Variants in KCTD17 observed in about 807,000 individuals in gnomAD.
KCTD17 encodes the protein potassium channel tetramerization domain containing 17.
A neutral mutation model predicts 41.5 loss-of-function variants in KCTD17; 20 were observed. The ratio of observed to expected loss-of-function variants is 0.48; its 90% CI spans 0.34 to 0.70. The LOEUF is 0.70. Ranked by LOEUF, KCTD17 falls within the 30% of genes least tolerant of loss-of-function variation. The probability of loss-of-function intolerance (pLI) is 0.01; values close to 1 mark genes in which losing one functional copy is unlikely to be tolerated. For synonymous variants in KCTD17, 156 were observed against 173.8 expected (o/e 0.90, Z 0.80); for missense variants, 317 against 427.2 (o/e 0.74, Z 2.27).
At position 37,060,935 on chromosome 22, in the gene KCTD17, C is replaced by A; in HGVS notation, c.712+13C>A. 1 of 1,537,310 alleles carries A rather than the reference C, an allele frequency of 6.5e-7. No individual in the cohort carries two copies. The highest frequency in any genetic ancestry group is 8.8e-7 in the Non-Finnish European group (1 of 1,138,874). On this transcript the variant is annotated intron_variant, in intron 6 of 8. Transcript: ENST00000403888. The stretch of plus-strand genomic sequence containing the variant: ...GCACAGGAGAAAGGTGCAGCCAACC[C>A]CCAGGAGGATGATTGCTAAGCAAAG...
rs1374514310 is a variant in KCTD17 at position 37,061,637 on chromosome 22, G to A, written c.875+8G>A. On this transcript the variant is annotated splice_region_variant and intron_variant, in intron 8 of 8. Transcript: ENST00000403888. This position sits in a 1 kb window ranked among gnomAD's most constrained non-coding sequence, Gnocchi z 6.6. ...CCAGAGCTGCCATCCCTGGTTTGTA[G>A]CTTGGCGGTGCTGGAGGGAGGGGTG... 5.7e-6 allele frequency: 9 copies of A among 1,591,862 alleles called. No individual in the cohort carries two copies. Among genetic ancestry groups the A allele is most frequent in the Non-Finnish European group, 7.7e-6 (9 of 1,176,056 alleles).
intron 3 of KCTD17, among the ~76,000 whole-genome samples, chr22:37,056,863 T>C (rs1041236551): frequency 5.3e-5 from 8 of 152,112 alleles, no homozygotes; most frequent in Non-Finnish European, 1.0e-4. Flanking sequence ...CTGGCGTTTG[T>C]GACCTTGGAG....
rs932855586 is a variant in KCTD17, at chr22:37,062,890, T to C, written c.*296T>C. The C allele has an allele frequency of 6.4e-6, 3 of 466,608 alleles. No individual in the cohort carries two copies. Among genetic ancestry groups the C allele is most frequent in the Non-Finnish European group, 1.1e-5 (3 of 265,908 alleles). The allele number at this position is 466,608 out of a possible 1,614,324, so 28.9% of individuals were successfully genotyped here. ...TGTGCTCCTTCCTGGCCCGGTCACATTGCCTCCTTGAGCCTTAGTCCAGGG... is the reference window on the plus strand; with the variant it reads ...TGTGCTCCTTCCTGGCCCGGTCACACTGCCTCCTTGAGCCTTAGTCCAGGG... On this transcript the variant is annotated 3_prime_UTR_variant, in exon 9 of 9. Transcript: ENST00000403888.
rs1190024377 is a variant in KCTD17, at chr22:37,059,457, G to A, written c.612+19G>A. ...AACCAAGGTGAGCCCACCCGCCTCAGCCTGTGTCCGGAGAAGTCTCCTGTC... is the reference window on the plus strand; with the variant it reads ...AACCAAGGTGAGCCCACCCGCCTCAACCTGTGTCCGGAGAAGTCTCCTGTC... On this transcript the variant is annotated intron_variant, in intron 5 of 8. Transcript: ENST00000403888. 4 of 1,600,258 alleles carry A rather than the reference G, an allele frequency of 2.5e-6. No individual in the cohort carries two copies. Among genetic ancestry groups the A allele is most frequent in the Non-Finnish European group, 3.4e-6 (4 of 1,175,898 alleles).
In KCTD17 at chr22:37,053,293, G is replaced by A. The variant is rs1924711036; in HGVS notation, c.298+85G>A. 3 of 1,021,076 alleles carry A rather than the reference G, an allele frequency of 2.9e-6. No homozygotes were observed. The highest frequency in any genetic ancestry group is 3.2e-5 in the African/African-American group (2 of 62,688). The allele number at this position is 1,021,076 out of a possible 1,614,324, so 63.3% of individuals were successfully genotyped here. ...GGCCCCAAGCCATTTGGACAACCAG[G>A]ACGGCCATCTGCCTGCTTGGTTGTT... On this transcript the variant is annotated intron_variant, in intron 2 of 8. Coordinates refer to ENST00000403888, the MANE Select transcript of KCTD17 (RefSeq NM_001282684.2). The surrounding 1 kb of genome is among the most constrained non-coding windows in gnomAD (Gnocchi z 4.1).
In KCTD17 at chr22:37,053,221, AG is replaced by A; in HGVS notation, c.298+18del. 1.3e-6 allele frequency: 2 copies of A among 1,579,848 alleles called. No homozygotes were observed. Among genetic ancestry groups the A allele is most frequent in the Non-Finnish European group, 1.7e-6 (2 of 1,161,224 alleles). ...ATGGCTGAGGAGGGTGAGTTGGTCC[AG>A]GGGGCTGGCCTGGACCTTATGCAGC... On this transcript the variant is annotated intron_variant, in intron 2 of 8. Coordinates refer to ENST00000403888, the MANE Select transcript of KCTD17 (RefSeq NM_001282684.2). This position sits in a 1 kb window ranked among gnomAD's most constrained non-coding sequence, Gnocchi z 4.1.
At chr22:37,060,768 C>T in intron 5 of KCTD17, 55 bp from the exon 6 acceptor site, 1 of 1,451,712 alleles carries the variant, frequency 6.9e-7, no homozygotes. Context: ...CAGGCCCTGG[C>T]CCCTCTGTTA....
chr22:37,060,828 G>C lies in KCTD17; in HGVS notation c.618G>C (p.Thr206=), dbSNP rs754439410. 1 of 1,512,084 alleles carries C rather than the reference G, an allele frequency of 6.6e-7. No homozygotes were observed. Among genetic ancestry groups the C allele is most frequent in the Non-Finnish European group, 8.9e-7 (1 of 1,129,064 alleles). The allele number at this position is 1,512,084 out of a possible 1,614,324, so 93.7% of individuals were successfully genotyped here. ...GTCCGCCGGCTGGTTCACAGAGCAC[G>C]GAGGAGCAGCTGGAGGAGCAGCAGC... The part of the protein sequence containing the change: ...SSESSRKTKS[T]EEQLEEQQQQ... The change falls in exon 6 of 9, where the codon ACG becomes ACC. Residue 206 remains threonine (T), a synonymous_variant. Coordinates refer to ENST00000403888, the MANE Select transcript of KCTD17 (RefSeq NM_001282684.2).
At chr22:37,058,545 C>T (rs1027628817) in intron 4 of KCTD17, among the ~76,000 whole-genome samples, 4 of 152,230 alleles carry the variant, frequency 2.6e-5, no homozygotes, top group African/African-American at 9.7e-5. Context: ...TCAGAGAGGA[C>T]TTGGGATCCC....
chr22:37,057,173 G>A (rs1049907806), intron 3 of KCTD17, among the ~76,000 whole-genome samples: 8 of 152,222 alleles, frequency 5.3e-5, no homozygotes, highest in African/African-American at 1.2e-4. Flanking sequence ...GGAAAGTCCC[G>A]TAATGCCTAG....
chr22:37,057,339 C>A (rs1275357755), intron 3 of KCTD17, 59 bp from the exon 4 acceptor site: 13 of 1,348,890 alleles, frequency 9.6e-6, no homozygotes, highest in Non-Finnish European at 1.4e-5. Flanking sequence ...GTGCTCATGC[C>A]CCTCCTGGGG....
At chr22:37,057,991 C>T (rs1568984792) in intron 4 of KCTD17, among the ~76,000 whole-genome samples, 1 of 152,230 alleles carries the variant, frequency 6.6e-6, no homozygotes, top group Non-Finnish European at 1.5e-5. Context: ...GCAGTGCCTT[C>T]CCATGAGGTC....
In KCTD17 at chr22:37,061,662, G is replaced by A. The variant is rs1028500624; in HGVS notation, c.875+33G>A. 6 of 1,564,382 alleles carry A rather than the reference G, an allele frequency of 3.8e-6. No homozygotes were observed. The highest frequency in any genetic ancestry group is 5.2e-6 in the Non-Finnish European group (6 of 1,161,834). ...GCTTGGCGGTGCTGGAGGGAGGGGT[G>A]GAGCGAGGAGGGTGCTCATCTCTTG... is the stretch of plus-strand genomic sequence containing the variant. On this transcript the variant is annotated intron_variant, in intron 8 of 8. Coordinates refer to ENST00000403888, the MANE Select transcript of KCTD17 (RefSeq NM_001282684.2). The surrounding 1 kb of genome is among the most constrained non-coding windows in gnomAD (Gnocchi z 6.6).
chr22:37,062,082 C>G, intron 8 of KCTD17: 1 of 981,552 alleles, frequency 1.0e-6, no homozygotes, highest in Non-Finnish European at 1.2e-6. Context: ...TGCTCTGTGA[C>G]CTTGGGCAAG....
At chr22:37,052,003 C>A in intron 1 of KCTD17, 54 bp downstream of exon 1, 1 of 1,300,556 alleles carries the variant, frequency 7.7e-7, no homozygotes, top group Non-Finnish European at 9.8e-7. Flanking sequence ...GCTCGCCCGA[C>A]GCGGGGCTGT....
At chr22:37,056,183 C>T (rs1238629615) in intron 2 of KCTD17, 137 bp from the exon 3 acceptor site, 5 of 644,000 alleles carry the variant, frequency 7.8e-6, no homozygotes, top group Non-Finnish European at 8.2e-6. Flanking sequence ...TTACTTGACC[C>T]CTGAACTCAC....
rs1440072101 is a variant in KCTD17, at chr22:37,061,194, C to T, written c.784+19C>T. 6.4e-7 allele frequency: 1 copy of T among 1,551,032 alleles called. No individual in the cohort carries two copies. The highest frequency in any genetic ancestry group is 8.7e-7 in the Non-Finnish European group (1 of 1,146,936). On this transcript the variant is annotated intron_variant, in intron 7 of 8. Transcript: ENST00000403888. This position sits in a 1 kb window ranked among gnomAD's most constrained non-coding sequence, Gnocchi z 6.6. ...GCTGGAGGTCCTGCCTCATCTTCAT[C>T]CACCTCTTCTTCCTCCTGGATCTCA...
chr22:37,054,848 G>A (rs1159559862), intron 2 of KCTD17, among the ~76,000 whole-genome samples: 1 of 152,186 alleles, frequency 6.6e-6, no homozygotes, highest in East Asian at 1.9e-4. Context: ...GTTTGGTCCT[G>A]TGTGGGCACC....
intron 4 of KCTD17, among the ~76,000 whole-genome samples, chr22:37,057,896 T>C (rs1383618762): frequency 2.0e-5 from 3 of 152,198 alleles, no homozygotes; most frequent in African/African-American, 7.2e-5. Flanking sequence ...CATCATGCGA[T>C]CATAGCAGTT....
Sources: allele counts gnomAD v4.1 joint callset (sites outside exome capture counted in the v4.1 genomes callset), GRCh38; gene constraint gnomAD v4.1.1; non-coding constraint Gnocchi (gnomAD v3.1); transcripts MANE v1.5; gene names NCBI Gene and HGNC (gene_info 2026-07-23, HGNC 2026-07-21).